SUPT3H: variants seen among roughly 807,000 people sequenced by gnomAD.
SUPT3H encodes the protein transcription initiation protein SPT3 homolog.
SUPT3H carries 44 observed loss-of-function variants against 44.3 expected under a neutral mutation model. The observed-to-expected ratio is 0.99, with a 90% CI of 0.78 to 1.28. The LOEUF (loss-of-function observed/expected upper bound fraction) is 1.28. SUPT3H is among the 50% of genes most tolerant of loss of function. The pLI, the probability that SUPT3H is intolerant of heterozygous loss-of-function variation, is 0.00. For synonymous variants in SUPT3H, 124 were observed against 125.6 expected (o/e 0.99, Z 0.09); for missense variants, 380 against 387.1 (o/e 0.98, Z 0.15).
intron 2 of SUPT3H, among the ~76,000 whole-genome samples, chr6:45,224,702 T>C (rs1449064711): frequency 1.3e-5 from 2 of 150,984 alleles, no homozygotes; most frequent in Non-Finnish European, 3.0e-5. Flanking sequence ...TGCTTGAACC[T>C]GGGAGGCAGA....
At chr6:44,935,374 A>G (rs1170342660) in intron 9 of SUPT3H, among the ~76,000 whole-genome samples, 2 of 152,198 alleles carry the variant, frequency 1.3e-5, no homozygotes, top group African/African-American at 2.4e-5. Context: ...TAATAATCTT[A>G]TATCAGCTAT....
chr6:45,200,631 C>T (rs1762333122), intron 2 of SUPT3H, among the ~76,000 whole-genome samples: 1 of 151,292 alleles, frequency 6.6e-6, no homozygotes, highest in Non-Finnish European at 1.5e-5. Context: ...ACTTTAGAGA[C>T]AATAAAAAAT....
chr6:45,215,979 A>C lies in SUPT3H; in HGVS notation c.102-109973T>G, dbSNP rs759660072. Among the ~76,000 whole-genome samples, 83 of 152,360 alleles carry C rather than the reference A, an allele frequency of 5.4e-4. 1 individual carries two copies. Among genetic ancestry groups the C allele is most frequent in the Non-Finnish European group, 9.8e-4 (67 of 68,032 alleles). ...CCCCACTAGACTAACAGGATTTCTC[A>C]GGAGAAATCATGCAGTCCAGAGAGA... On this transcript the variant is annotated intron_variant, in intron 2 of 10. Coordinates refer to ENST00000371459, the MANE Select transcript of SUPT3H (RefSeq NM_003599.4).
intron 3 of SUPT3H, among the ~76,000 whole-genome samples, chr6:45,025,538 C>G (rs1318358376): frequency 6.6e-6 from 1 of 152,108 alleles, no homozygotes; most frequent in Non-Finnish European, 1.5e-5. Context: ...TGGCTGGGGC[C>G]CACATAAATT....
intron 10 of SUPT3H, among the ~76,000 whole-genome samples, chr6:44,902,623 A>G (rs960946254): frequency 2.6e-5 from 4 of 152,176 alleles, no homozygotes; most frequent in Non-Finnish European, 5.9e-5. Flanking sequence ...CACATCAACG[A>G]GACAGAAAAT....
At chr6:44,845,198 A>G (rs979232839) in intron 10 of SUPT3H, among the ~76,000 whole-genome samples, 62 of 152,320 alleles carry the variant, frequency 4.1e-4, no homozygotes, top group African/African-American at 1.3e-3. Flanking sequence ...CATTTATTGA[A>G]TGCTTACTAG....
At chr6:45,332,524 T>C (rs747694379) in intron 2 of SUPT3H, among the ~76,000 whole-genome samples, 1 of 151,760 alleles carries the variant, frequency 6.6e-6, no homozygotes, top group Non-Finnish European at 1.5e-5. Context: ...ATACCAATCT[T>C]CCATACTGTT....
chr6:45,300,722 A>G (rs1782008896), intron 2 of SUPT3H, among the ~76,000 whole-genome samples: 1 of 152,210 alleles, frequency 6.6e-6, no homozygotes, highest in African/African-American at 2.4e-5. Flanking sequence ...TGAATTGTAT[A>G]CTTTAAAATG....
At chr6:45,177,599 C>T (rs1562619117) in intron 2 of SUPT3H, among the ~76,000 whole-genome samples, 1 of 151,752 alleles carries the variant, frequency 6.6e-6, no homozygotes, top group African/African-American at 2.4e-5. Flanking sequence ...AGAAGAGCAA[C>T]TCCAAGACAC....
chr6:45,057,267 A>AT (rs1289981088), intron 3 of SUPT3H, among the ~76,000 whole-genome samples: 1 of 152,152 alleles, frequency 6.6e-6, no homozygotes, highest in East Asian at 1.9e-4. Flanking sequence ...GAGAAATCAG[A>AT]TAATGGTACC....
chr6:44,817,599 C>G (rs1766995331), intron 11 of SUPT3H, among the ~76,000 whole-genome samples: 1 of 152,066 alleles, frequency 6.6e-6, no homozygotes, highest in Non-Finnish European at 1.5e-5. Context: ...CCCCCACCAC[C>G]TCAGCAATCT....
At chr6:45,006,885 A>G (rs1468049564) in intron 5 of SUPT3H, among the ~76,000 whole-genome samples, 3 of 152,212 alleles carry the variant, frequency 2.0e-5, no homozygotes, top group Admixed American at 6.5e-5. Flanking sequence ...TACTGAGTCC[A>G]AACAAGATTA....
intron 2 of SUPT3H, among the ~76,000 whole-genome samples, chr6:45,166,281 G>C (rs1809829104): frequency 6.6e-6 from 1 of 151,956 alleles, no homozygotes; most frequent in African/African-American, 2.4e-5. Context: ...GACATAGTGA[G>C]ACTCTGTCTC....
chr6:45,176,776 C>A lies in SUPT3H; in HGVS notation c.102-70770G>T, dbSNP rs532701678. Among the ~76,000 whole-genome samples, 5 of 152,320 alleles carry A rather than the reference C, an allele frequency of 3.3e-5. No homozygotes were observed. In the Middle Eastern group the frequency reaches 0.017, roughly 518 times the overall value. ...AAGTGGGTCCCTGACCCCTGACCCC[C>A]GAGCAGCCTAACTAGGAGGCACCCC... On this transcript the variant is annotated intron_variant, in intron 2 of 10. Transcript: ENST00000371459.
At chr6:45,015,795 G>GCA (rs111999224) in intron 4 of SUPT3H, among the ~76,000 whole-genome samples, 33,929 of 149,392 alleles carry the variant, frequency 0.23, 4,320 homozygotes, top group Non-Finnish European at 0.3. Context: ...ACACACGCGC[G>GCA]CGCACACACA....
intron 3 of SUPT3H, among the ~76,000 whole-genome samples, chr6:45,078,632 G>T (rs777911658): frequency 2.2e-4 from 34 of 152,064 alleles, no homozygotes; most frequent in Non-Finnish European, 3.8e-4. Context: ...TGCTCCTCTG[G>T]GAAGGTCTCT....
intron 2 of SUPT3H, among the ~76,000 whole-genome samples, chr6:45,277,569 A>G (rs1377855165): frequency 6.6e-6 from 1 of 152,198 alleles, no homozygotes; most frequent in Non-Finnish European, 1.5e-5. Flanking sequence ...AGCAACAGGC[A>G]GGCATTCAAG....
At chr6:45,232,071 G>A (rs1768163365) in intron 2 of SUPT3H, among the ~76,000 whole-genome samples, 2 of 152,074 alleles carry the variant, frequency 1.3e-5, no homozygotes, top group African/African-American at 4.8e-5. Context: ...CCAGAATTGT[G>A]TAAATTTATT....
At chr6:44,893,658 T>A (rs7754825) in intron 10 of SUPT3H, among the ~76,000 whole-genome samples, 62,382 of 149,996 alleles carry the variant, frequency 0.42, 13,263 homozygotes, top group East Asian at 0.7. Context: ...TCTTTGCTAT[T>A]GTGAATAATG....
Sources: allele counts gnomAD v4.1 joint callset (sites outside exome capture counted in the v4.1 genomes callset), GRCh38; gene constraint gnomAD v4.1.1; transcripts MANE v1.5; gene names NCBI Gene and HGNC (gene_info 2026-07-23, HGNC 2026-07-21).